Variants in TMEM63C observed in about 807,000 individuals in gnomAD.
TMEM63C encodes transmembrane protein 63C, also known as osmosensitive cation channel TMEM63C.
A neutral mutation model predicts 99.2 loss-of-function variants in TMEM63C; 32 were observed. The ratio of observed to expected loss-of-function variants is 0.32; its 90% CI spans 0.24 to 0.43. The LOEUF is 0.43. Ranked by LOEUF, TMEM63C falls within the 20% of genes least tolerant of loss-of-function variation. TMEM63C has a pLI of 1.00. For synonymous variants in TMEM63C, 376 were observed against 397.9 expected, an observed-to-expected ratio of 0.94 and a Z score of 0.66; for missense variants, 826 against 1,053.0, an observed-to-expected ratio of 0.78 and a Z score of 2.98.
intron 3 of TMEM63C, 105 bp from the exon 4 acceptor site, chr14:77,219,393 T>C (rs1888649057): frequency 8.6e-7 from 1 of 1,156,896 alleles, no homozygotes; most frequent in South Asian, 1.3e-5. Flanking sequence ...AGGAGCTCCC[T>C]GGGGACCTCA....
intron 2 of TMEM63C, among the ~76,000 whole-genome samples, chr14:77,215,717 G>A (rs1888572961): frequency 2.0e-5 from 3 of 152,002 alleles, no homozygotes; most frequent in Non-Finnish European, 4.4e-5. Context: ...CATGTGTGCT[G>A]CCTTCCCTCC....
chr14:77,256,925 A>T lies in TMEM63C; in HGVS notation c.*199A>T. 1 of 592,440 alleles carries T rather than the reference A, an allele frequency of 1.7e-6. No homozygotes were observed. 36.7% of individuals were successfully genotyped at this position (592,440 alleles called of 1,614,324 possible). ...CCGGCTGGAACTGGGGGTGCTCGGCAGTGCTGAAGGAGCCTGGGAAGGGAT... is the reference window on the plus strand; with the variant it reads ...CCGGCTGGAACTGGGGGTGCTCGGCTGTGCTGAAGGAGCCTGGGAAGGGAT... On this transcript the variant is annotated 3_prime_UTR_variant, in exon 24 of 24. Coordinates refer to ENST00000298351, the MANE Select transcript of TMEM63C (RefSeq NM_020431.4).
At chr14:77,195,137 G>A (rs1412030039) in intron 1 of TMEM63C, among the ~76,000 whole-genome samples, 9 of 151,712 alleles carry the variant, frequency 5.9e-5, no homozygotes, top group Non-Finnish European at 4.4e-5. Flanking sequence ...ATTATAAAGG[G>A]GAGAATACCA....
At position 77,218,858 on chromosome 14, in the gene TMEM63C, G is replaced by A. The variant is rs147118937; in HGVS notation, c.45G>A (p.Gln15=). The change falls in exon 3 of 24, where the codon CAG becomes CAA. Residue 15 remains glutamine (Q), a synonymous_variant. Transcript: ENST00000298351. Reference sequence around the variant, plus strand: ...ACCTGAGTACAGGGGGAAGGTTACAGAACATGACAGTGGATGAATGCTTCC... The same window carrying A: ...ACCTGAGTACAGGGGGAAGGTTACAAAACATGACAGTGGATGAATGCTTCC... ...PDDLSTGGRL[Q]NMTVDECFQS... is the part of the protein sequence containing the mutation. 63 of 1,613,780 alleles carry A rather than the reference G, an allele frequency of 3.9e-5. No homozygotes were observed. In the East Asian group the frequency reaches 1.4e-3, roughly 35 times the overall value.
At chr14:77,191,266 A>G (rs1888099390) in intron 1 of TMEM63C, among the ~76,000 whole-genome samples, 1 of 152,178 alleles carries the variant, frequency 6.6e-6, no homozygotes. Flanking sequence ...GAACGGCTTC[A>G]CAGACTGATA....
chr14:77,189,176 C>T (rs1888057452), intron 1 of TMEM63C, among the ~76,000 whole-genome samples: 1 of 151,012 alleles, frequency 6.6e-6, no homozygotes, highest in African/African-American at 2.4e-5. Flanking sequence ...GTGGTGCGAT[C>T]TTGACTCATT....
intron 2 of TMEM63C, among the ~76,000 whole-genome samples, chr14:77,217,138 T>A (rs894753171): frequency 6.7e-6 from 1 of 149,360 alleles, no homozygotes; most frequent in African/African-American, 2.5e-5. Context: ...TGAGGCTCTA[T>A]CTCTCTCTTA....
intron 11 of TMEM63C, 27 bp from the exon 12 acceptor site, chr14:77,239,576 C>A: frequency 6.2e-7 from 1 of 1,613,086 alleles, no homozygotes; most frequent in Non-Finnish European, 8.5e-7. Context: ...ACCTGCAGGT[C>A]CTTCTCCTGT....
At chr14:77,201,456 C>T (rs1888299249) in intron 1 of TMEM63C, among the ~76,000 whole-genome samples, 2 of 152,156 alleles carry the variant, frequency 1.3e-5, no homozygotes, top group Admixed American at 6.5e-5. Context: ...CACGAGGCTG[C>T]CCACACCAAA....
intron 1 of TMEM63C, among the ~76,000 whole-genome samples, chr14:77,191,961 TA>T (rs1160752173): frequency 6.6e-6 from 1 of 152,246 alleles, no homozygotes; most frequent in East Asian, 1.9e-4. Flanking sequence ...GTTTTGTCAA[TA>T]TTTCTTCATA....
Position 77,248,460 on chromosome 14 carries a change from C to T in TMEM63C, c.1715C>T (p.Thr572Ile), listed in dbSNP as rs1889302228. The T allele has an allele frequency of 1.9e-6, 3 of 1,586,594 alleles. No homozygotes were observed. The highest frequency in any genetic ancestry group is 1.8e-5 in the Admixed American group (1 of 56,064). ...CTGGGGTCACTCTTCTGCTACAGCA[C>T]CCGCCTCTTCTTCTCTAGATCAGAG... ...LRLGSLFCYS[T>I]RLFFSRSEPE... Residue 572 changes from threonine (T) to isoleucine (I), a missense_variant, in exon 19 of 24, where the codon ACC becomes ATC. Transcript: ENST00000298351.
chr14:77,255,412 A>C (rs1889444566), intron 23 of TMEM63C, among the ~76,000 whole-genome samples: 1 of 152,266 alleles, frequency 6.6e-6, no homozygotes, highest in South Asian at 2.1e-4. Context: ...GAGCTTGTCC[A>C]ACCCAATATC....
intron 1 of TMEM63C, among the ~76,000 whole-genome samples, chr14:77,185,600 C>T (rs1460568274): frequency 2.0e-5 from 3 of 152,196 alleles, no homozygotes; most frequent in Non-Finnish European, 4.4e-5. Flanking sequence ...GTTGAGGACT[C>T]ATTGCCTTAG....
intron 1 of TMEM63C, among the ~76,000 whole-genome samples, chr14:77,193,954 C>T (rs990014290): frequency 5.3e-5 from 8 of 151,874 alleles, no homozygotes; most frequent in African/African-American, 1.7e-4. Flanking sequence ...GAGCTGGGAT[C>T]GTACCACTGC....
chr14:77,208,935 T>C (rs1034001274), intron 1 of TMEM63C, among the ~76,000 whole-genome samples: 2 of 152,058 alleles, frequency 1.3e-5, no homozygotes, highest in African/African-American at 4.8e-5. Flanking sequence ...GGATCATTGC[T>C]CTGCTTGCAT....
At chr14:77,254,405 A>G (rs905408663) in intron 23 of TMEM63C, among the ~76,000 whole-genome samples, 2 of 152,224 alleles carry the variant, frequency 1.3e-5, no homozygotes, top group African/African-American at 4.8e-5. Flanking sequence ...ACACACAGGC[A>G]CAGATTATCT....
chr14:77,184,308 C>T (rs1887961339), intron 1 of TMEM63C, among the ~76,000 whole-genome samples: 1 of 151,966 alleles, frequency 6.6e-6, no homozygotes, highest in Non-Finnish European at 1.5e-5. Flanking sequence ...GAGTTTCATC[C>T]CCTCCATCCC....
At chr14:77,192,668 AG>A (rs1249162899) in intron 1 of TMEM63C, among the ~76,000 whole-genome samples, 2 of 152,186 alleles carry the variant, frequency 1.3e-5, no homozygotes, top group African/African-American at 4.8e-5. Flanking sequence ...AGGCTGAGGC[AG>A]GAGAGTCACT....
At position 77,253,330 on chromosome 14, in the gene TMEM63C, T is replaced by C. The variant is rs766095189; in HGVS notation, c.2174T>C (p.Val725Ala). ...YEPEEEEIQT[V>A]FDMEPSSTSS... ...CCCGAGGAGGAGGAGATCCAGACAG[T>C]GTTTGACATGGAGCCAAGCAGCACC... The change falls in exon 23 of 24, where the codon GTG becomes GCG. Residue 725 changes from valine to alanine, a missense_variant. Transcript: ENST00000298351. 3.7e-6 allele frequency: 6 copies of C among 1,613,072 alleles called. No homozygotes were observed. The South Asian group carries it at 5.5e-5, about 15-fold the overall frequency.
Sources: allele counts gnomAD v4.1 joint callset (sites outside exome capture counted in the v4.1 genomes callset), GRCh38; gene constraint gnomAD v4.1.1; transcripts MANE v1.5; gene names NCBI Gene and HGNC (gene_info 2026-07-23, HGNC 2026-07-21).